Variants in TENM4 observed in about 807,000 individuals in gnomAD.
TENM4 encodes teneurin-4.
In TENM4, 82 loss-of-function variants were observed where a neutral mutation model predicts 243.3. That is an observed-to-expected ratio of 0.34 (90% confidence interval 0.28 to 0.40). The LOEUF (loss-of-function observed/expected upper bound fraction) is 0.40, where lower values mean the gene tolerates loss of function less well. Ranked by LOEUF, TENM4 falls within the 10% of genes least tolerant of loss-of-function variation. TENM4 has a pLI of 1.00. For synonymous variants in TENM4, 1,412 were observed against 1,456.3 expected (o/e 0.97, Z 0.69); for missense variants, 3,138 against 3,673.3 (o/e 0.85, Z 3.77).
intron 1 of TENM4, among the ~76,000 whole-genome samples, chr11:79,334,836 A>G (rs1857122374): frequency 6.6e-6 from 1 of 152,208 alleles, no homozygotes; most frequent in South Asian, 2.1e-4. Flanking sequence ...TTATTCTATA[A>G]CAGAACTCCT....
At chr11:78,764,593 C>T (rs1856501752) in intron 18 of TENM4, among the ~76,000 whole-genome samples, 1 of 152,206 alleles carries the variant, frequency 6.6e-6, no homozygotes, top group African/African-American at 2.4e-5. Context: ...CATCAAGGGC[C>T]ATGGGGTGTG....
At chr11:78,667,841 A>G (rs567839209) in intron 32 of TENM4, among the ~76,000 whole-genome samples, 3 of 152,168 alleles carry the variant, frequency 2.0e-5, no homozygotes. Flanking sequence ...GATGTGCCCA[A>G]TTTTTGCCTA....
chr11:78,749,737 G>C (rs535975536), intron 19 of TENM4, among the ~76,000 whole-genome samples: 2 of 152,114 alleles, frequency 1.3e-5, no homozygotes, highest in South Asian at 4.2e-4. Flanking sequence ...CCTTTCTATA[G>C]GGTGTGAATG....
intron 1 of TENM4, among the ~76,000 whole-genome samples, chr11:79,321,834 G>A (rs915285445): frequency 6.6e-6 from 1 of 152,078 alleles, no homozygotes; most frequent in Admixed American, 6.5e-5. Flanking sequence ...GAAGGGCTAC[G>A]TATAGATCTC....
intron 6 of TENM4, among the ~76,000 whole-genome samples, chr11:78,945,712 C>A (rs61882020): frequency 1.3e-5 from 2 of 152,140 alleles, no homozygotes; most frequent in African/African-American, 4.8e-5. Context: ...ATGAAAATTG[C>A]GACTCCATTG....
intron 28 of TENM4, among the ~76,000 whole-genome samples, chr11:78,696,335 A>G (rs1241149823): frequency 6.6e-6 from 1 of 152,222 alleles, no homozygotes; most frequent in Non-Finnish European, 1.5e-5. Flanking sequence ...TAGTTATTTT[A>G]AATTCTCTGA....
At chr11:79,260,317 A>G (rs1375087002) in intron 2 of TENM4, among the ~76,000 whole-genome samples, 2 of 152,110 alleles carry the variant, frequency 1.3e-5, no homozygotes, top group Non-Finnish European at 2.9e-5. Context: ...TGCTTCCTTA[A>G]TTTCTACCCC....
intron 3 of TENM4, among the ~76,000 whole-genome samples, chr11:79,193,797 C>G (rs1434981442): frequency 6.6e-6 from 1 of 152,168 alleles, no homozygotes; most frequent in Non-Finnish European, 1.5e-5. Context: ...TGATAGTCAA[C>G]CTGCCCAAGG....
intron 2 of TENM4, among the ~76,000 whole-genome samples, chr11:79,281,451 T>C (rs1408269220): frequency 6.6e-6 from 1 of 152,226 alleles, no homozygotes; most frequent in Non-Finnish European, 1.5e-5. Flanking sequence ...AATGCTTTTT[T>C]AGTTTTAATT....
At chr11:78,859,794 G>A (rs1417833014) in intron 10 of TENM4, among the ~76,000 whole-genome samples, 1 of 152,202 alleles carries the variant, frequency 6.6e-6, no homozygotes, top group African/African-American at 2.4e-5. Context: ...ACAGCAATTT[G>A]CATGGTTCAA....
intron 6 of TENM4, among the ~76,000 whole-genome samples, chr11:78,942,239 C>A (rs1365352476): frequency 1.0e-5 from 1 of 99,436 alleles, no homozygotes; most frequent in Admixed American, 1.6e-4. Context: ...CATGGTGAAA[C>A]CCATCTCTAC....
chr11:78,857,484 T>TA (rs1443830276), intron 10 of TENM4, among the ~76,000 whole-genome samples: 4 of 152,348 alleles, frequency 2.6e-5, no homozygotes, highest in South Asian at 4.1e-4. Flanking sequence ...TTTACTGTTT[T>TA]AAATAATAAA....
chr11:78,884,081 A>T (rs1281910816), intron 9 of TENM4, among the ~76,000 whole-genome samples: 1 of 152,210 alleles, frequency 6.6e-6, no homozygotes, highest in African/African-American at 2.4e-5. Context: ...GGAGTGAGCT[A>T]GGTACTTCTT....
intron 1 of TENM4, among the ~76,000 whole-genome samples, chr11:79,330,736 G>A (rs1159008839): frequency 6.6e-6 from 1 of 152,200 alleles, no homozygotes; most frequent in Non-Finnish European, 1.5e-5. Flanking sequence ...TGGCAGATGA[G>A]GAAAGGAGGT....
At chr11:79,256,810 G>C (rs1282203091) in intron 2 of TENM4, among the ~76,000 whole-genome samples, 2 of 152,138 alleles carry the variant, frequency 1.3e-5, no homozygotes, top group East Asian at 3.9e-4. Context: ...GGCTTTCTGG[G>C]AATAGGGCTT....
chr11:78,965,083 G>T (rs1481052431), intron 6 of TENM4, among the ~76,000 whole-genome samples: 1 of 151,990 alleles, frequency 6.6e-6, no homozygotes, highest in Non-Finnish European at 1.5e-5. Context: ...GGCCAGGCTG[G>T]TCTCGAACTC....
At chr11:79,367,122 A>T (rs1857691540) in intron 1 of TENM4, among the ~76,000 whole-genome samples, 1 of 152,220 alleles carries the variant, frequency 6.6e-6, no homozygotes, top group Non-Finnish European at 1.5e-5. Context: ...CACTTTCAAC[A>T]AGACTTTTCT....
chr11:78,782,516 G>A (rs1437044833), intron 16 of TENM4, among the ~76,000 whole-genome samples: 1 of 152,204 alleles, frequency 6.6e-6, no homozygotes, highest in African/African-American at 2.4e-5. Flanking sequence ...AGAATCACTT[G>A]AACCCGGGAG....
chr11:78,836,036 C>T (rs1223649957), intron 12 of TENM4, among the ~76,000 whole-genome samples: 1 of 152,204 alleles, frequency 6.6e-6, no homozygotes, highest in Non-Finnish European at 1.5e-5. Flanking sequence ...GTCACACTTG[C>T]TGTGTGATCT....
Sources: gnomAD v4.1 joint callset for allele counts (sites outside exome capture counted in the v4.1 genomes callset) on GRCh38, gnomAD v4.1.1 for gene constraint, MANE v1.5 for transcripts, NCBI Gene and HGNC (gene_info 2026-07-23, HGNC 2026-07-21) for gene names.